COMMD4: variants seen among roughly 807,000 people sequenced by gnomAD.
COMMD4 encodes COMM domain containing 4, also known as COMM domain-containing protein 4.
Under a neutral mutation model 27.5 loss-of-function variants are expected in COMMD4, and 18 were observed. The ratio of observed to expected loss-of-function variants is 0.65; its 90% CI spans 0.45 to 0.97. COMMD4 has a LOEUF of 0.97. Ranked by LOEUF, COMMD4 falls within the 50% of genes least tolerant of loss-of-function variation. COMMD4 has a pLI of 0.00. For missense variants in COMMD4, 243 were observed against 250.0 expected (o/e 0.97, Z 0.19); for synonymous variants, 108 against 108.4 (o/e 1.00, Z 0.02).
chr15:75,338,238 T>C (rs2071291003), intron 2 of COMMD4, 105 bp downstream of exon 2: 1 of 1,492,188 alleles, frequency 6.7e-7, no homozygotes, highest in African/African-American at 1.4e-5. Context: ...CTCAGTGCTC[T>C]CAGCCTGTGC....
downstream of COMMD4, chr15:75,340,744 C>A (rs1166693377): frequency 1.3e-5 from 2 of 151,802 alleles, no homozygotes; most frequent in East Asian, 1.9e-4. Context: ...TCAAGCAATT[C>A]TTCTGCCTCA....
intron 1 of COMMD4, chr15:75,336,562 G>T: frequency 3.9e-6 from 1 of 257,880 alleles, no homozygotes; most frequent in Non-Finnish European, 7.5e-6. Context: ...TTGGGGTTGA[G>T]ACTTATCCAT....
chr15:75,338,294 A>T lies in COMMD4; in HGVS notation c.76-61A>T, dbSNP rs7166436. The T allele has an allele frequency of 0.26, 373,931 of 1,462,324 alleles. 50,632 individuals are homozygous for T. The highest frequency in any genetic ancestry group is 0.29 in the African/African-American group (20,984 of 71,538). 90.6% of individuals were successfully genotyped at this position (1,462,324 alleles called of 1,614,324 possible). A position where few individuals can be genotyped will look rare whatever the true frequency, so the allele number is the denominator to read the frequency against. ...ATCAGTGGCTGGCCTGCTCTGAGCCAGTCCCCAGGAAGGAGGGGTGAGGTT... is the reference window on the plus strand; with the variant it reads ...ATCAGTGGCTGGCCTGCTCTGAGCCTGTCCCCAGGAAGGAGGGGTGAGGTT... On this transcript the variant is annotated intron_variant, in intron 2 of 7. Transcript: ENST00000267935.
chr15:75,336,584 A>G lies in COMMD4; in HGVS notation c.3+492A>G, dbSNP rs184114412. The G allele has an allele frequency of 3.1e-3, 670 of 213,710 alleles. 4 individuals carry two copies. Among genetic ancestry groups the G allele is most frequent in the Non-Finnish European group, 2.3e-3 (239 of 105,378 alleles). 13.2% of individuals were successfully genotyped at this position (213,710 alleles called of 1,614,324 possible). On this transcript the variant is annotated intron_variant, in intron 1 of 7. Coordinates refer to ENST00000267935, the MANE Select transcript of COMMD4 (RefSeq NM_017828.5). ...TGAGACTTATCCATCCATCCATCCA[A>G]TCCATCCATCCGTACGTTCTAAGCG...
downstream of COMMD4, chr15:75,342,096 A>AAAAAAG (rs2071433156): frequency 3.5e-5 from 5 of 142,356 alleles, no homozygotes; most frequent in Non-Finnish European, 6.1e-5. Context: ...AAAAAAAAAA[A>AAAAAAG]TGTATATATA....
At position 75,339,758 on chromosome 15, in the gene COMMD4, C is replaced by T; in HGVS notation, c.439C>T (p.Leu147=). The change falls in exon 7 of 8, where the codon CTG becomes TTG. Residue 147 remains leucine, a synonymous_variant. Transcript: ENST00000267935. ...GGACTACACCCTGAGCTCCAGCCTGCTGCAATCCGTGGAAGAGCCCATGGT... is the reference window on the plus strand; with the variant it reads ...GGACTACACCCTGAGCTCCAGCCTGTTGCAATCCGTGGAAGAGCCCATGGT... The part of the protein sequence containing the change: ...RVDYTLSSSL[L]QSVEEPMVHL... 1.2e-6 allele frequency: 2 copies of T among 1,613,856 alleles called. No individual in the cohort carries two copies. Among genetic ancestry groups the T allele is most frequent in the South Asian group, 1.1e-5 (1 of 91,026 alleles).
chr15:75,338,922 A>G, intron 4 of COMMD4, 63 bp from the exon 5 acceptor site: 1 of 1,613,256 alleles, frequency 6.2e-7, no homozygotes, highest in Non-Finnish European at 8.5e-7. Context: ...TAAAGTTAAT[A>G]GGGCAACAGG....
Position 75,338,692 on chromosome 15 carries a change from A to T in COMMD4, c.181+7A>T. On this transcript the variant is annotated splice_region_variant and intron_variant, in intron 4 of 7. Transcript: ENST00000267935. ...ACGGCTGACGCCAAGTTTGGTGAGT[A>T]TCCCGCTGAGTCTATAGGCCCCAGG... 1 of 1,613,394 alleles carries T rather than the reference A, an allele frequency of 6.2e-7. No individual in the cohort carries two copies.
At position 75,340,006 on chromosome 15, in the gene COMMD4, G is replaced by A; in HGVS notation, c.*1G>A. On this transcript the variant is annotated 3_prime_UTR_variant, in exon 8 of 8. Transcript: ENST00000267935. Reference sequence around the variant, plus strand: ...GACCCTGATGAGCTCCCTGGGCTGAGGAGAAGGGTGTTCCAGGCCTGTGTG... The same window carrying A: ...GACCCTGATGAGCTCCCTGGGCTGAAGAGAAGGGTGTTCCAGGCCTGTGTG... 1 of 1,614,002 alleles carries A rather than the reference G, an allele frequency of 6.2e-7. No homozygotes were observed. Among genetic ancestry groups the A allele is most frequent in the Non-Finnish European group, 8.5e-7 (1 of 1,179,932 alleles).
rs753193874 is a variant in COMMD4, at chr15:75,339,076, T to G, written c.273T>G (p.Ser91Arg). The G allele has an allele frequency of 5.6e-6, 9 of 1,613,694 alleles. No individual in the cohort carries two copies. Among genetic ancestry groups the G allele is most frequent in the Non-Finnish European group, 7.6e-6 (9 of 1,179,952 alleles). Residue 91 changes from serine (S) to arginine (R), a missense_variant, in exon 5 of 8, where the codon AGT (serine) becomes AGG (arginine). Transcript: ENST00000267935. ...KHSVDGESLS[S>R]ELQQLGLPKE... ...GTGTCGATGGCGAATCCTTGTCCAG[T>G]GAACTGCAGCAGCTGGGGCTGCCCA...
chr15:75,341,268 G>A (rs539218037), downstream of COMMD4: 1 of 152,582 alleles, frequency 6.6e-6, no homozygotes, highest in South Asian at 2.1e-4. Flanking sequence ...GACTAAGGCA[G>A]ATGGGCTTCC....
intron 4 of COMMD4, 128 bp downstream of exon 4, chr15:75,338,813 G>C: frequency 7.0e-7 from 1 of 1,422,044 alleles, no homozygotes; most frequent in Non-Finnish European, 9.8e-7. Flanking sequence ...AGGAGCATGA[G>C]GGAAAGAAAG....
At chr15:75,340,526 C>T (rs11853141), downstream of COMMD4, among the ~76,000 whole-genome samples, 60,015 of 152,088 alleles carry the variant, frequency 0.39, 12,602 homozygotes, top group Admixed American at 0.52. Flanking sequence ...CTCAGGCTAG[C>T]AGCACGTTGG....
At chr15:75,336,225 A>AGCAG (rs1595832523) in intron 1 of COMMD4, 133 bp downstream of exon 1, 1 of 1,542,120 alleles carries the variant, frequency 6.5e-7, no homozygotes, top group Non-Finnish European at 8.8e-7. Context: ...GAGGGCTGTG[A>AGCAG]GTCTGGTAGG....
rs775713962 is a variant in COMMD4 at position 75,339,944 on chromosome 15, G to T, written c.560-21G>T. The T allele has an allele frequency of 1.1e-5, 17 of 1,614,000 alleles. No homozygotes were observed. In the South Asian group the frequency reaches 1.5e-4, roughly 15 times the overall value. On this transcript the variant is annotated intron_variant, in intron 7 of 7. Transcript: ENST00000267935. Reference sequence around the variant, plus strand: ...AGATCCGCCTGACTGCCTCCCACCTGCCCACCTCTTCCCTCTGCAGAACTG... The same window carrying T: ...AGATCCGCCTGACTGCCTCCCACCTTCCCACCTCTTCCCTCTGCAGAACTG...
rs759900365 is a variant in COMMD4 at position 75,336,099 on chromosome 15, C to G, written c.3+7C>G. 2.6e-6 allele frequency: 4 copies of G among 1,549,652 alleles called. No individual in the cohort carries two copies. Among genetic ancestry groups the G allele is most frequent in the Non-Finnish European group, 3.5e-6 (4 of 1,146,828 alleles). Reference sequence around the variant, plus strand: ...CTGGCTTCTTGGCGCGATGGTGAGGCACTAGGGGCGAAGCGAGGCTTGGGC... The same window carrying G: ...CTGGCTTCTTGGCGCGATGGTGAGGGACTAGGGGCGAAGCGAGGCTTGGGC... On this transcript the variant is annotated splice_region_variant and intron_variant, in intron 1 of 7. Coordinates refer to ENST00000267935, the MANE Select transcript of COMMD4 (RefSeq NM_017828.5).
chr15:75,339,950 C>T lies in COMMD4; in HGVS notation c.560-15C>T, dbSNP rs2071396102. 4 of 1,614,058 alleles carry T rather than the reference C, an allele frequency of 2.5e-6. No homozygotes were observed. Among genetic ancestry groups the T allele is most frequent in the Admixed American group, 3.3e-5 (2 of 60,008 alleles). On this transcript the variant is annotated splice_polypyrimidine_tract_variant and intron_variant, in intron 7 of 7. Coordinates refer to ENST00000267935, the MANE Select transcript of COMMD4 (RefSeq NM_017828.5). ...GCCTGACTGCCTCCCACCTGCCCAC[C>T]TCTTCCCTCTGCAGAACTGAAGCAG... is the stretch of plus-strand genomic sequence containing the variant.
chr15:75,338,429 A>G lies in COMMD4; in HGVS notation c.141+9A>G. The G allele has an allele frequency of 6.2e-7, 1 of 1,605,914 alleles. No individual in the cohort carries two copies. The highest frequency in any genetic ancestry group is 8.5e-7 in the Non-Finnish European group (1 of 1,176,708). On this transcript the variant is annotated intron_variant, in intron 3 of 7. Transcript: ENST00000267935. ...TGGGACAGGGGATTGATGTGAGTAC[A>G]AGATCCAGCACCCCATTGTCCCATG...
Position 75,339,872 on chromosome 15 carries a change from C to T in COMMD4, c.553C>T (p.Leu185=), listed in dbSNP as rs774000839. 7 of 1,612,868 alleles carry T rather than the reference C, an allele frequency of 4.3e-6. No homozygotes were observed. The highest frequency in any genetic ancestry group is 2.2e-5 in the South Asian group (2 of 91,004). Reference sequence around the variant, plus strand: ...CTCAGCAGACAAGTTCCAGGTCCTCCTGGCAGGTGAGGCTCAGCTATTCCT... The same window carrying T: ...CTCAGCAGACAAGTTCCAGGTCCTCTTGGCAGGTGAGGCTCAGCTATTCCT... The part of the protein sequence containing the change: ...SLSADKFQVL[L]AELKQAQTLM... Residue 185 remains leucine, a synonymous_variant, in exon 7 of 8, where the codon CTG becomes TTG. Transcript: ENST00000267935.
Sources: allele counts gnomAD v4.1 joint callset (sites outside exome capture counted in the v4.1 genomes callset), GRCh38; gene constraint gnomAD v4.1.1; transcripts MANE v1.5; gene names NCBI Gene and HGNC (gene_info 2026-07-23, HGNC 2026-07-21).